Variants in FANCD2 observed in about 807,000 individuals in gnomAD.
FANCD2 encodes Fanconi anemia group D2 protein.
A neutral mutation model predicts 192.3 loss-of-function variants in FANCD2; 131 were observed. The ratio of observed to expected loss-of-function variants is 0.68; its 90% CI spans 0.59 to 0.79. FANCD2 has a LOEUF of 0.79. Ranked by LOEUF, FANCD2 falls within the 30% of genes least tolerant of loss-of-function variation. FANCD2 has a pLI of 0.00. For missense variants in FANCD2, 1,508 were observed against 1,701.6 expected (o/e 0.89, Z 2.00); for synonymous variants, 524 against 612.5 (o/e 0.86, Z 2.13).
intron 35 of FANCD2, 49 bp from the exon 36 acceptor site, chr3:10,088,779 G>T (rs201550150): frequency 1.2e-4 from 194 of 1,597,560 alleles, no homozygotes; most frequent in South Asian, 2.9e-4. Flanking sequence ...ATCTGTAGTT[G>T]TATTCTACTT....
intron 37 of FANCD2, among the ~76,000 whole-genome samples, chr3:10,091,849 CTT>C (rs1694631521): frequency 6.6e-6 from 1 of 152,208 alleles, no homozygotes. Flanking sequence ...AATCTCAGCA[CTT>C]TGGGAGGCCG....
At chr3:10,058,823 G>C (rs2087484576) in intron 18 of FANCD2, among the ~76,000 whole-genome samples, 1 of 152,074 alleles carries the variant, frequency 6.6e-6, no homozygotes, top group South Asian at 2.1e-4. Context: ...GCAGTTTGGG[G>C]TCCCTTGAAA....
At chr3:10,101,119 G>T in intron 43 of FANCD2, 69 bp from the exon 44 acceptor site, 1 of 1,156,500 alleles carries the variant, frequency 8.6e-7, no homozygotes, top group South Asian at 1.2e-5. Context: ...TATCCTCTAG[G>T]AGCTGTATTC....
chr3:10,066,897 G>C (rs1302529010), intron 25 of FANCD2, among the ~76,000 whole-genome samples: 1 of 151,984 alleles, frequency 6.6e-6, no homozygotes, highest in Non-Finnish European at 1.5e-5. Flanking sequence ...GCTAATTTTT[G>C]TATTTTTGGT....
chr3:10,093,514 T>C (rs544149847), intron 39 of FANCD2, among the ~76,000 whole-genome samples, 191 bp downstream of exon 39: 2 of 152,320 alleles, frequency 1.3e-5, no homozygotes, highest in Non-Finnish European at 2.9e-5. Flanking sequence ...AGTTTTCCTA[T>C]GAATTTGAAA....
At position 10,034,677 on chromosome 3, in the gene FANCD2, T is replaced by C; in HGVS notation, c.274-18T>C. 1 of 1,523,216 alleles carries C rather than the reference T, an allele frequency of 6.6e-7. No individual in the cohort carries two copies. Among genetic ancestry groups the C allele is most frequent in the Non-Finnish European group, 8.9e-7 (1 of 1,119,532 alleles). The allele number at this position is 1,523,216 out of a possible 1,614,324, so 94.4% of individuals were successfully genotyped here. A position where few individuals can be genotyped will look rare whatever the true frequency, so the allele number is the denominator to read the frequency against. The stretch of plus-strand genomic sequence containing the variant: ...AACTAAAAATTTTATTCTTTTTTAT[T>C]TTTTAAATCTCCTTAAGATAATAGA... On this transcript the variant is annotated intron_variant, in intron 4 of 43. Coordinates refer to ENST00000675286, the MANE Select transcript of FANCD2 (RefSeq NM_001018115.3).
chr3:10,086,632 C>A (rs900224043), intron 33 of FANCD2, among the ~76,000 whole-genome samples: 1 of 152,112 alleles, frequency 6.6e-6, no homozygotes, highest in African/African-American at 2.4e-5. Flanking sequence ...CAGGCGCATG[C>A]TGACACACCC....
chr3:10,053,002 A>G (rs1175129342), intron 18 of FANCD2, among the ~76,000 whole-genome samples: 5 of 135,108 alleles, frequency 3.7e-5, no homozygotes, highest in African/African-American at 1.4e-4. Context: ...TAGAAATACC[A>G]TTTGACCCAG....
At chr3:10,059,279 G>A (rs760167962) in intron 18 of FANCD2, among the ~76,000 whole-genome samples, 3 of 152,138 alleles carry the variant, frequency 2.0e-5, no homozygotes, top group Non-Finnish European at 4.4e-5. Flanking sequence ...CTCCCAAAGT[G>A]TTAGGATGAC....
intron 40 of FANCD2, chr3:10,094,996 T>C (rs1694867494): frequency 5.0e-6 from 3 of 594,178 alleles, no homozygotes; most frequent in Admixed American, 5.3e-5. Flanking sequence ...AACTCTCAGA[T>C]TGATACAAGG....
intron 33 of FANCD2, 128 bp from the exon 34 acceptor site, chr3:10,087,006 G>A (rs1419107189): frequency 9.6e-7 from 1 of 1,039,420 alleles, no homozygotes; most frequent in Non-Finnish European, 1.5e-6. Flanking sequence ...TAAAGCACCT[G>A]AAAATAAGGA....
chr3:10,050,145 C>G (rs1472846640), intron 17 of FANCD2, among the ~76,000 whole-genome samples: 3 of 152,148 alleles, frequency 2.0e-5, no homozygotes, highest in South Asian at 2.1e-4. Flanking sequence ...TTTTTACATA[C>G]AGTTGACCTA....
chr3:10,029,777 CTTG>C lies in FANCD2; in HGVS notation c.64+1077_64+1079del, dbSNP rs373948218. ...AGTATCCAAAGTCCATTATATCATT[CTTG>C]TTGTTGTTGTTGTTGTTGTTTGAGA... On this transcript the variant is annotated intron_variant, in intron 2 of 43. Coordinates refer to ENST00000675286, the MANE Select transcript of FANCD2 (RefSeq NM_001018115.3). Among the ~76,000 whole-genome samples, 667 of 151,866 alleles carry C rather than the reference CTTG, an allele frequency of 4.4e-3. 2 individuals are homozygous for C. The highest frequency in any genetic ancestry group is 0.014 in the African/African-American group (597 of 41,460).
chr3:10,072,822 G>C, intron 26 of FANCD2, 49 bp from the exon 27 acceptor site: 1 of 973,706 alleles, frequency 1.0e-6, no homozygotes, highest in East Asian at 2.4e-5. Context: ...AAGTCTAATG[G>C]TGGTGTGTAA....
In FANCD2 at chr3:10,081,391, A is replaced by G. The variant is rs2125060028; in HGVS notation, c.3151A>G (p.Lys1051Glu). ...CGGTGTAGTTGATGGACCAGGAGTG[A>G]AAGTTCAGGAGTACCACATAATGTC... ...NHGVVDGPGVKVQEYHIMSSC... is the reference protein window; with the variant it reads ...NHGVVDGPGVEVQEYHIMSSC... Residue 1051 changes from lysine to glutamate, a missense_variant, in exon 32 of 44, where the codon AAA becomes GAA. Lys to Glu is a moderately conservative substitution (Grantham distance 56). This residue lies in a region of FANCD2 where 796 missense variants were observed against 879.4 expected (regional missense o/e 0.91). Transcript: ENST00000675286. 2 of 1,614,126 alleles carry G rather than the reference A, an allele frequency of 1.2e-6. No individual in the cohort carries two copies. Among genetic ancestry groups the G allele is most frequent in the South Asian group, 2.2e-5 (2 of 91,086 alleles).
chr3:10,042,268 T>C (rs989262682), intron 10 of FANCD2, among the ~76,000 whole-genome samples: 4 of 152,180 alleles, frequency 2.6e-5, no homozygotes, highest in African/African-American at 4.8e-5. Flanking sequence ...CTGCTTCCCA[T>C]AGGAATAATA....
In FANCD2 at chr3:10,057,652, T is replaced by C. The variant is rs376654972; in HGVS notation, c.1657-2642T>C. ...TGCTGTGATTACAGGCATGAGCTACTGCTCCCGGCCTCCATTAAGTTTTAA... is the reference window on the plus strand; with the variant it reads ...TGCTGTGATTACAGGCATGAGCTACCGCTCCCGGCCTCCATTAAGTTTTAA... On this transcript the variant is annotated intron_variant, in intron 18 of 43. Coordinates refer to ENST00000675286, the MANE Select transcript of FANCD2 (RefSeq NM_001018115.3). Among the ~76,000 whole-genome samples the C allele has an allele frequency of 7.2e-5, 11 of 152,344 alleles. 1 individual carries two copies. In the East Asian group the frequency reaches 9.7e-4, roughly 13 times the overall value.
chr3:10,041,539 C>A, intron 9 of FANCD2, 84 bp from the exon 10 acceptor site: 1 of 951,826 alleles, frequency 1.1e-6, no homozygotes, highest in Non-Finnish European at 1.7e-6. Flanking sequence ...TTTTCATACT[C>A]TAATAAATGA....
intron 14 of FANCD2, among the ~76,000 whole-genome samples, chr3:10,045,088 G>GTTTTTTTTTTTTTT (rs76340293): frequency 3.1e-5 from 4 of 128,934 alleles, no homozygotes; most frequent in African/African-American, 9.9e-5. Flanking sequence ...CTTTTTAACT[G>GTTTTTTTTTTTTTT]TTTTTTTTTT....
Sources: allele counts gnomAD v4.1 joint callset (sites outside exome capture counted in the v4.1 genomes callset), GRCh38; gene constraint gnomAD v4.1.1; regional missense constraint gnomAD v4.1.1; transcripts MANE v1.5; gene names NCBI Gene and HGNC (gene_info 2026-07-23, HGNC 2026-07-21).